The following EYS variants were observed in gnomAD, a reference collection of about 807,000 sequenced individuals.
EYS encodes EGF-like photoreceptor maintenance factor.
EYS carries 250 observed loss-of-function variants against 282.1 expected under a neutral mutation model. The ratio of observed to expected loss-of-function variants is 0.89; its 90% CI spans 0.80 to 0.98. EYS has a LOEUF of 0.98. Among genes scored for constraint, EYS ranks in the 50% least tolerant of loss-of-function variants. The pLI is 0.00. For missense variants in EYS, 4,016 were observed against 3,709.0 expected (o/e 1.08, Z -2.15); for synonymous variants, 1,355 against 1,282.9 (o/e 1.06, Z -1.20).
At chr6:63,987,950 T>C (rs1767443106) in intron 34 of EYS, among the ~76,000 whole-genome samples, 1 of 151,558 alleles carries the variant, frequency 6.6e-6, no homozygotes, top group Non-Finnish European at 1.5e-5. Flanking sequence ...ACTAACTCTG[T>C]ATTTGAGATA....
chr6:65,491,542 C>A, intron 4 of EYS: 1 of 425,464 alleles, frequency 2.4e-6, no homozygotes. Flanking sequence ...ACTGACATCC[C>A]TGCCTCACTA....
intron 2 of EYS, among the ~76,000 whole-genome samples, chr6:65,567,042 AGGGCTCT>A (rs1764290448): frequency 1.3e-5 from 2 of 152,090 alleles, no homozygotes; most frequent in Admixed American, 6.6e-5. Context: ...TTAGATCATG[AGGGCTCT>A]GCCCTCATGA....
At chr6:64,332,536 C>T (rs1770686057) in intron 29 of EYS, among the ~76,000 whole-genome samples, 1 of 152,168 alleles carries the variant, frequency 6.6e-6, no homozygotes, top group Admixed American at 6.6e-5. Flanking sequence ...GCAGGTATCA[C>T]ACCTTGGGTT....
At chr6:64,741,256 A>G (rs748077471) in intron 22 of EYS, among the ~76,000 whole-genome samples, 3 of 152,150 alleles carry the variant, frequency 2.0e-5, no homozygotes, top group Non-Finnish European at 4.4e-5. Context: ...CTCTTGGGTG[A>G]CCAGGCCCCT....
In EYS at chr6:65,366,943, A is replaced by G. The variant is rs183519804; in HGVS notation, c.1300-13326T>C. Among the ~76,000 whole-genome samples the G allele has an allele frequency of 1.4e-3, 216 of 151,752 alleles. 3 individuals are homozygous for G. The highest frequency in any genetic ancestry group is 2.5e-3 in the Non-Finnish European group (169 of 67,904). On this transcript the variant is annotated intron_variant, in intron 8 of 42. Transcript: ENST00000503581. ...CTTCTCTGTCTCTGATTCTGTATGC[A>G]ACTTTTTAATAAGGACCTCTGTGAT...
intron 12 of EYS, among the ~76,000 whole-genome samples, chr6:65,070,900 A>G (rs1012364383): frequency 6.6e-6 from 1 of 151,942 alleles, no homozygotes. Context: ...AAAGCATAGT[A>G]TAATAATAAA....
At chr6:64,155,079 C>G (rs961920270) in intron 31 of EYS, among the ~76,000 whole-genome samples, 10 of 152,014 alleles carry the variant, frequency 6.6e-5, no homozygotes, top group African/African-American at 2.4e-4. Context: ...TTTGGGTAGT[C>G]GAGGAGAATG....
chr6:65,182,821 C>T (rs1053905810), intron 12 of EYS, among the ~76,000 whole-genome samples: 1 of 151,930 alleles, frequency 6.6e-6, no homozygotes, highest in Non-Finnish European at 1.5e-5. Context: ...CAAGGTCTCA[C>T]TCTATCACCC....
chr6:64,218,413 C>CTGT (rs1455033166), intron 31 of EYS, among the ~76,000 whole-genome samples: 1 of 152,180 alleles, frequency 6.6e-6, no homozygotes, highest in Non-Finnish European at 1.5e-5. Context: ...GACAGAACCT[C>CTGT]TGTTCTATCC....
chr6:64,838,209 T>G, intron 19 of EYS, among the ~76,000 whole-genome samples: 1 of 151,938 alleles, frequency 6.6e-6, no homozygotes, highest in East Asian at 1.9e-4. Context: ...GTTTGGGATT[T>G]GACTGTGAAT....
In EYS at chr6:63,778,085, C is replaced by T. The variant is rs1226668195; in HGVS notation, c.7819G>A (p.Gly2607Ser). The T allele has an allele frequency of 2.6e-6, 4 of 1,551,720 alleles. No homozygotes were observed. Among genetic ancestry groups the T allele is most frequent in the Non-Finnish European group, 3.5e-6 (4 of 1,146,954 alleles). ...CTGCAGGGAGAAGCATGACACTGGC[C>T]AACACTGCGTCCAGCATTTGGGTGG... ...EGHPNAGRSV[G>S]QCHASPCSLM... The change falls in exon 40 of 43, where the codon GGC becomes AGC. Residue 2607 changes from glycine (G) to serine (S), a missense_variant. Physicochemically the swap from Gly to Ser is moderately conservative, Grantham distance 56 (BLOSUM62 0). Coordinates refer to ENST00000503581, the MANE Select transcript of EYS (RefSeq NM_001142800.2).
chr6:64,692,977 C>CATTT (rs1770440604), intron 22 of EYS, among the ~76,000 whole-genome samples: 1 of 11,496 alleles, frequency 8.7e-5, no homozygotes, highest in Non-Finnish European at 1.6e-4. Flanking sequence ...GCTGCTTGGG[C>CATTT]TTTTTTTTTT....
chr6:64,484,901 G>A (rs959972148), intron 26 of EYS, among the ~76,000 whole-genome samples: 2 of 151,558 alleles, frequency 1.3e-5, no homozygotes, highest in East Asian at 2.0e-4. Context: ...AAGAGAGCCA[G>A]GCAAGACAAG....
At chr6:64,485,916 A>G (rs1383225614) in intron 26 of EYS, among the ~76,000 whole-genome samples, 1 of 151,522 alleles carries the variant, frequency 6.6e-6, no homozygotes, top group Non-Finnish European at 1.5e-5. Flanking sequence ...TTATGATTAT[A>G]TAAATACTGA....
At chr6:64,307,900 C>T (rs929422576) in intron 29 of EYS, among the ~76,000 whole-genome samples, 2 of 151,900 alleles carry the variant, frequency 1.3e-5, no homozygotes, top group African/African-American at 4.8e-5. Context: ...AAGAATGTCA[C>T]CTTATTCATC....
At chr6:65,006,041 T>C (rs1340452882) in intron 13 of EYS, among the ~76,000 whole-genome samples, 1 of 152,128 alleles carries the variant, frequency 6.6e-6, no homozygotes, top group Non-Finnish European at 1.5e-5. Context: ...AAGGAGGCTC[T>C]ACACTGTGTC....
intron 41 of EYS, among the ~76,000 whole-genome samples, chr6:63,740,867 T>C (rs1274120028): frequency 6.6e-6 from 1 of 152,164 alleles, no homozygotes; most frequent in Non-Finnish European, 1.5e-5. Context: ...AGGACTCTGA[T>C]TTAGTAAGTA....
intron 31 of EYS, among the ~76,000 whole-genome samples, chr6:64,143,006 G>T (rs1396954566): frequency 6.6e-6 from 1 of 152,124 alleles, no homozygotes; most frequent in Non-Finnish European, 1.5e-5. Context: ...TAAAAAGTGA[G>T]AAAGCCATGA....
Position 65,632,949 on chromosome 6 carries a change from G to T in EYS, c.-333+6829C>A, listed in dbSNP as rs549046934. 5.7e-4 allele frequency among the ~76,000 whole-genome samples: 87 copies of T among 152,204 alleles called. 1 individual carries two copies. The highest frequency in any genetic ancestry group is 2.0e-3 in the African/African-American group (82 of 41,554). On this transcript the variant is annotated intron_variant, in intron 2 of 42. Coordinates refer to ENST00000503581, the MANE Select transcript of EYS (RefSeq NM_001142800.2). ...GAGGGCCCTTGAATCTGTGTTCCAT[G>T]TAGCTTATGTAATTAATAAAATAAA... is the stretch of plus-strand genomic sequence containing the variant.
Sources: allele counts gnomAD v4.1 joint callset (sites outside exome capture counted in the v4.1 genomes callset), GRCh38; gene constraint gnomAD v4.1.1; transcripts MANE v1.5; gene names NCBI Gene and HGNC (gene_info 2026-07-23, HGNC 2026-07-21).